Variants in USP32 observed in about 807,000 individuals in gnomAD.
USP32 encodes ubiquitin specific peptidase 32, also known as ubiquitin carboxyl-terminal hydrolase 32.
Under a neutral mutation model 204.8 loss-of-function variants are expected in USP32, and 59 were observed. The observed-to-expected ratio is 0.29, with a 90% CI of 0.23 to 0.36. The LOEUF (loss-of-function observed/expected upper bound fraction) is 0.36. USP32 is among the 10% of genes least tolerant of loss of function. The pLI is 1.00. For missense variants in USP32, 1,160 were observed against 1,946.4 expected (o/e 0.60, Z 7.60); for synonymous variants, 517 against 678.4 (o/e 0.76, Z 3.70).
At chr17:60,220,534 T>C (rs1451072265) in intron 15 of USP32, among the ~76,000 whole-genome samples, 1 of 152,246 alleles carries the variant, frequency 6.6e-6, no homozygotes, top group Non-Finnish European at 1.5e-5. Context: ...AGTTTTAACC[T>C]GCTTATAAGC....
intron 5 of USP32, among the ~76,000 whole-genome samples, chr17:60,277,519 C>T (rs2086867609): frequency 6.6e-6 from 1 of 152,150 alleles, no homozygotes; most frequent in African/African-American, 2.4e-5. Context: ...TCACCAAAGT[C>T]CTTTATTCCC....
Position 60,418,802 on chromosome 17 carries a change from A to G in USP32, c.106+3444T>C, listed in dbSNP as rs558271466. Reference sequence around the variant, plus strand: ...TGGTCATTAAAGAAATGCAAATCAAAACCACAGTGAGATACCACCTCACAC... The same window carrying G: ...TGGTCATTAAAGAAATGCAAATCAAGACCACAGTGAGATACCACCTCACAC... On this transcript the variant is annotated intron_variant, in intron 1 of 3. Transcript: ENST00000588898. Among the ~76,000 whole-genome samples the G allele has an allele frequency of 1.6e-4, 25 of 152,356 alleles. No individual in the cohort carries two copies. The South Asian group carries it at 4.8e-3, about 29-fold the overall frequency.
At chr17:60,377,057 C>T (rs1265846499) in intron 1 of USP32, among the ~76,000 whole-genome samples, 1 of 152,078 alleles carries the variant, frequency 6.6e-6, no homozygotes, top group Non-Finnish European at 1.5e-5. Context: ...TAAAAGAAAC[C>T]TTTTTCGGCC....
At chr17:60,229,801 T>C (rs1029758509) in intron 12 of USP32, among the ~76,000 whole-genome samples, 1 of 152,212 alleles carries the variant, frequency 6.6e-6, no homozygotes. Flanking sequence ...GTTGATGCAT[T>C]ACAAATTACT....
In USP32 at chr17:60,294,666, TA is replaced by T. The variant is rs2087380365; in HGVS notation, c.411+16del. ...TTTGTCAATGAAAAGGGATAAAATG[TA>T]AATCTTTAACTATACCTCTGAGAAA... On this transcript the variant is annotated intron_variant, in intron 4 of 33. Coordinates refer to ENST00000300896, the MANE Select transcript of USP32 (RefSeq NM_032582.4). 2 of 1,530,698 alleles carry T rather than the reference TA, an allele frequency of 1.3e-6. No individual in the cohort carries two copies. Among genetic ancestry groups the T allele is most frequent in the East Asian group, 4.5e-5 (2 of 44,186 alleles). The allele number at this position is 1,530,698 out of a possible 1,614,324, so 94.8% of individuals were successfully genotyped here. A position where few individuals can be genotyped will look rare whatever the true frequency, so the allele number is the denominator to read the frequency against.
chr17:60,343,196 A>G (rs1463655146), intron 2 of USP32, among the ~76,000 whole-genome samples: 2 of 152,154 alleles, frequency 1.3e-5, no homozygotes, highest in Non-Finnish European at 2.9e-5. Context: ...CCCACACAAT[A>G]ATAATGGGAG....
chr17:60,398,395 AAAAAAAG>A (rs947791245), intron 1 of USP32, among the ~76,000 whole-genome samples: 1 of 151,700 alleles, frequency 6.6e-6, no homozygotes, highest in African/African-American at 2.4e-5. Flanking sequence ...ACCTTGCCTC[AAAAAAAG>A]AAAAAAGAAA....
At chr17:60,237,711 T>C (rs533032257) in intron 11 of USP32, among the ~76,000 whole-genome samples, 1 of 152,328 alleles carries the variant, frequency 6.6e-6, no homozygotes, top group Admixed American at 6.5e-5. Flanking sequence ...CTGGCTTCCT[T>C]CATTTAACAT....
chr17:60,227,796 A>C (rs537746820), intron 12 of USP32, among the ~76,000 whole-genome samples: 3 of 152,222 alleles, frequency 2.0e-5, no homozygotes, highest in Non-Finnish European at 4.4e-5. Context: ...AAACAGTTAT[A>C]AATTTCTTTG....
intron 2 of USP32, among the ~76,000 whole-genome samples, chr17:60,305,425 C>T (rs1337068943): frequency 1.3e-5 from 2 of 152,164 alleles, no homozygotes; most frequent in African/African-American, 4.8e-5. Flanking sequence ...CCCAGGCACT[C>T]GTGGGGATCT....
intron 8 of USP32, among the ~76,000 whole-genome samples, chr17:60,265,759 T>G (rs2086575440): frequency 6.6e-6 from 1 of 152,214 alleles, no homozygotes; most frequent in South Asian, 2.1e-4. Flanking sequence ...TAAGATAACT[T>G]TCCTATGGTT....
intron 12 of USP32, chr17:60,231,453 A>G (rs2085546207): frequency 2.3e-6 from 1 of 439,648 alleles, no homozygotes; most frequent in Admixed American, 2.4e-5. Flanking sequence ...AGGACCTCAG[A>G]GGCTTCATTT....
chr17:60,208,854 T>C, intron 22 of USP32, 26 bp from the exon 23 acceptor site: 1 of 1,526,868 alleles, frequency 6.5e-7, no homozygotes. Flanking sequence ...ATGAGAATTT[T>C]CTCTCAAAAT....
chr17:60,243,718 T>C (rs2085937801), intron 11 of USP32, among the ~76,000 whole-genome samples: 1 of 152,206 alleles, frequency 6.6e-6, no homozygotes, highest in Non-Finnish European at 1.5e-5. Context: ...AGTTGGTCAA[T>C]ATGCCATAGT....
intron 30 of USP32, among the ~76,000 whole-genome samples, chr17:60,185,096 C>T (rs1333701784): frequency 3.3e-5 from 5 of 152,188 alleles, no homozygotes; most frequent in Non-Finnish European, 7.3e-5. Context: ...CTCAGTTGCT[C>T]TTCTAGAGTC....
intron 1 of USP32, among the ~76,000 whole-genome samples, chr17:60,366,754 T>C (rs533518965): frequency 1.2e-3 from 175 of 152,132 alleles, no homozygotes; most frequent in African/African-American, 4.1e-3. Context: ...TTGGTTTTTT[T>C]TTTTTCATGC....
chr17:60,357,251 G>A (rs984917849), intron 1 of USP32, among the ~76,000 whole-genome samples: 12 of 152,274 alleles, frequency 7.9e-5, no homozygotes, highest in African/African-American at 2.9e-4. Flanking sequence ...AGGAGTTCAA[G>A]ACCAGCCTGG....
At chr17:60,376,563 G>A (rs933897501) in intron 1 of USP32, among the ~76,000 whole-genome samples, 8 of 149,318 alleles carry the variant, frequency 5.4e-5, no homozygotes, top group African/African-American at 1.2e-4. Flanking sequence ...TCACTCTGTC[G>A]CTCAGGCTAG....
At chr17:60,417,910 C>T (rs1434204977) in intron 1 of USP32, among the ~76,000 whole-genome samples, 1 of 152,010 alleles carries the variant, frequency 6.6e-6, no homozygotes, top group African/African-American at 2.4e-5. Flanking sequence ...CTGCCTCAGC[C>T]TCCTGAGTAG....
Sources: gnomAD v4.1 joint callset for allele counts (sites outside exome capture counted in the v4.1 genomes callset) on GRCh38, gnomAD v4.1.1 for gene constraint, MANE v1.5 for transcripts, NCBI Gene and HGNC (gene_info 2026-07-23, HGNC 2026-07-21) for gene names.